The following CHD1 variants were observed in gnomAD, a reference collection of about 807,000 sequenced individuals.
CHD1 encodes the protein ATP-dependent chromatin remodeler CHD1.
In CHD1, 36 loss-of-function variants were observed where a neutral mutation model predicts 224.2. The observed-to-expected ratio is 0.16, with a 90% CI of 0.12 to 0.21. The LOEUF (loss-of-function observed/expected upper bound fraction) is 0.21, where lower values mean the gene tolerates loss of function less well. Among genes scored for constraint, CHD1 ranks in the 10% least tolerant of loss-of-function variants. The pLI, the probability that CHD1 is intolerant of heterozygous loss-of-function variation, is 1.00. For missense variants in CHD1, 1,378 were observed against 1,994.8 expected (o/e 0.69, Z 5.89); for synonymous variants, 668 against 658.3 (o/e 1.01, Z -0.23).
In CHD1 at chr5:98,898,457, CTTAT is replaced by C. The variant is rs760566984; in HGVS notation, c.1187-27_1187-24del. The C allele has an allele frequency of 5.2e-4, 779 of 1,503,376 alleles. 3 individuals carry two copies. Among genetic ancestry groups the C allele is most frequent in the South Asian group, 2.9e-3 (213 of 72,442 alleles). The allele number at this position is 1,503,376 out of a possible 1,614,324, so 93.1% of individuals were successfully genotyped here. On this transcript the variant is annotated intron_variant, in intron 9 of 35. Transcript: ENST00000614616. ...GAGCTGTGAGAGAATCAGGCATTTA[CTTAT>C]TTATTTATTTTTTTTTACATTTAAT...
In CHD1 at chr5:98,882,426, G is replaced by A. The variant is rs1034806946; in HGVS notation, c.2719-303C>T. On this transcript the variant is annotated intron_variant, in intron 19 of 35. Coordinates refer to ENST00000614616, the MANE Select transcript of CHD1 (RefSeq NM_001270.4). ...GATTTAGCTGGGGAAAATGGGGGGG[G>A]GGCATGTAAACTTCTGATAGCCTTC... Among the ~76,000 whole-genome samples, 4 of 141,530 alleles carry A rather than the reference G, an allele frequency of 2.8e-5. No individual in the cohort carries two copies. In the Admixed American group the frequency reaches 2.9e-4, roughly 10 times the overall value. The allele number at this position is 141,530 out of a possible 152,430, so 92.8% of individuals were successfully genotyped here.
chr5:98,914,994 G>C (rs981164817), intron 2 of CHD1, among the ~76,000 whole-genome samples: 1 of 152,188 alleles, frequency 6.6e-6, no homozygotes, highest in Admixed American at 6.5e-5. Context: ...CTGGAAAGTA[G>C]TAGGTAATGA....
chr5:98,856,293 T>G lies in CHD1; in HGVS notation c.*87A>C. The G allele has an allele frequency of 1.1e-6, 1 of 917,164 alleles. No homozygotes were observed. The highest frequency in any genetic ancestry group is 1.7e-6 in the Non-Finnish European group (1 of 585,602). The allele number at this position is 917,164 out of a possible 1,614,324, so 56.8% of individuals were successfully genotyped here. A position where few individuals can be genotyped will look rare whatever the true frequency, so the allele number is the denominator to read the frequency against. On this transcript the variant is annotated 3_prime_UTR_variant, in exon 36 of 36. Coordinates refer to ENST00000614616, the MANE Select transcript of CHD1 (RefSeq NM_001270.4). ...GCTACTGATAGAAGATCTGTTTATA[T>G]CTTTCAAGTCATGTAAGGCAATTAC...
chr5:98,883,101 C>T lies in CHD1; in HGVS notation c.2705G>A (p.Gly902Glu). The T allele has an allele frequency of 6.7e-7, 1 of 1,496,488 alleles. No homozygotes were observed. The highest frequency in any genetic ancestry group is 8.9e-7 in the Non-Finnish European group (1 of 1,126,008). The allele number at this position is 1,496,488 out of a possible 1,614,324, so 92.7% of individuals were successfully genotyped here. ...LQAQARAHRI[G>E]QKKQVNIYRL... ...AATTAAAAATACCTGTTTCTTTTGC[C>T]CAATTCGATGGGCTCTAGCCTGTGC... is the stretch of plus-strand genomic sequence containing the variant. The change falls in exon 19 of 36, where the codon GGG (glycine) becomes GAG (glutamate). Residue 902 changes from glycine to glutamate, a missense_variant. By Grantham distance (98) the Gly-to-Glu change is moderately conservative. Around this residue, in one of 16 missense-constraint regions of CHD1, gnomAD observed 57 missense variants for 177.2 expected, o/e 0.32. Coordinates refer to ENST00000614616, the MANE Select transcript of CHD1 (RefSeq NM_001270.4).
intron 2 of CHD1, among the ~76,000 whole-genome samples, chr5:98,921,463 G>A (rs957662541): frequency 2.6e-5 from 4 of 152,112 alleles, no homozygotes; most frequent in Admixed American, 2.0e-4. Context: ...GATTCAGTAC[G>A]TCTGGGGCGA....
chr5:98,902,856 G>A, intron 5 of CHD1, 44 bp downstream of exon 5: 2 of 1,207,206 alleles, frequency 1.7e-6, no homozygotes, highest in African/African-American at 1.5e-5. Flanking sequence ...GAAATAATCA[G>A]GATTTTTCTA....
At chr5:98,921,421 A>T (rs140358250) in intron 2 of CHD1, among the ~76,000 whole-genome samples, 2 of 152,190 alleles carry the variant, frequency 1.3e-5, no homozygotes, top group African/African-American at 2.4e-5. Flanking sequence ...ATACATAAGA[A>T]TCACTTAGAA....
At chr5:98,867,103 T>C (rs1221931250) in intron 31 of CHD1, among the ~76,000 whole-genome samples, 1 of 152,194 alleles carries the variant, frequency 6.6e-6, no homozygotes, top group Admixed American at 6.5e-5. Flanking sequence ...ATACATACTG[T>C]TATATTATGT....
chr5:98,854,405 T>C lies in CHD1; in HGVS notation c.*1975A>G, dbSNP rs1477955514. On this transcript the variant is annotated 3_prime_UTR_variant, in exon 36 of 36. Transcript: ENST00000614616. ...ATAAATTAAAAAATGCCAGCCACCA[T>C]CTTATGACTTAAGCATTATGAATTA... is the stretch of plus-strand genomic sequence containing the variant. The C allele has an allele frequency of 2.6e-5, 4 of 152,098 alleles. No individual in the cohort carries two copies. The highest frequency in any genetic ancestry group is 1.3e-4 in the Admixed American group (2 of 15,264). The allele number at this position is 152,098 out of a possible 1,614,324, so 9.4% of individuals were successfully genotyped here. A position where few individuals can be genotyped will look rare whatever the true frequency, so the allele number is the denominator to read the frequency against.
chr5:98,863,153 G>A (rs1307752721), intron 32 of CHD1, among the ~76,000 whole-genome samples: 4 of 151,974 alleles, frequency 2.6e-5, no homozygotes, highest in Admixed American at 2.6e-4. Context: ...AATGCAATCT[G>A]AATTTTAATG....
At chr5:98,867,425 T>C (rs1748960122) in intron 31 of CHD1, among the ~76,000 whole-genome samples, 1 of 152,222 alleles carries the variant, frequency 6.6e-6, no homozygotes, top group Non-Finnish European at 1.5e-5. Flanking sequence ...TCATATTTTG[T>C]ACATAATTTT....
chr5:98,867,852 G>A (rs918469426), intron 31 of CHD1, among the ~76,000 whole-genome samples: 1 of 147,502 alleles, frequency 6.8e-6, no homozygotes, highest in Non-Finnish European at 1.5e-5. Flanking sequence ...GCCCGGGCTG[G>A]AGTGCAATGG....
intron 28 of CHD1, among the ~76,000 whole-genome samples, chr5:98,871,577 G>A (rs182869369): frequency 7.8e-4 from 118 of 152,004 alleles, no homozygotes; most frequent in Non-Finnish European, 4.4e-4. Context: ...TGATAGGTGA[G>A]TAGGGTGACT....
intron 2 of CHD1, among the ~76,000 whole-genome samples, chr5:98,911,944 TACTCTTA>T (rs1225142441): frequency 1.3e-5 from 2 of 152,214 alleles, no homozygotes; most frequent in African/African-American, 4.8e-5. Flanking sequence ...AGAATTTAAG[TACTCTTA>T]AATCAGTGTA....
At chr5:98,870,919 TTAA>T in intron 28 of CHD1, 116 bp from the exon 29 acceptor site, 1 of 509,092 alleles carries the variant, frequency 2.0e-6, no homozygotes. Context: ...GTTTCAATTA[TTAA>T]TATTTGTAGG....
In CHD1 at chr5:98,855,204, T is replaced by C. The variant is rs1293070097; in HGVS notation, c.*1176A>G. 6.6e-6 allele frequency: 1 copy of C among 152,648 alleles called. No homozygotes were observed. The highest frequency in any genetic ancestry group is 1.5e-5 in the Non-Finnish European group (1 of 68,094). The allele number at this position is 152,648 out of a possible 1,614,324, so 9.5% of individuals were successfully genotyped here. ...GCAGAAAATTACAGGAGCCCACATA[T>C]CCTTTTTCTTAAATTTAATTTGTCA... On this transcript the variant is annotated 3_prime_UTR_variant, in exon 36 of 36. Coordinates refer to ENST00000614616, the MANE Select transcript of CHD1 (RefSeq NM_001270.4).
At position 98,914,664 on chromosome 5, in the gene CHD1, T is replaced by C. The variant is rs577541420; in HGVS notation, c.54-9566A>G. Reference sequence around the variant, plus strand: ...AATTCAGCAACGGTATCTTTCTCCATACTTTTCCCTCTGTCTGGAGAATGC... The same window carrying C: ...AATTCAGCAACGGTATCTTTCTCCACACTTTTCCCTCTGTCTGGAGAATGC... On this transcript the variant is annotated intron_variant, in intron 2 of 35. Transcript: ENST00000614616. Among the ~76,000 whole-genome samples the C allele has an allele frequency of 4.6e-5, 7 of 152,324 alleles. No homozygotes were observed. The South Asian group carries it at 1.4e-3, about 32-fold the overall frequency.
intron 14 of CHD1, 67 bp downstream of exon 14, chr5:98,893,349 T>C: frequency 9.5e-7 from 1 of 1,055,184 alleles, no homozygotes; most frequent in Non-Finnish European, 1.3e-6. Flanking sequence ...CTGACCTTAT[T>C]ACCTGGGTTT....
At chr5:98,870,926 T>G in intron 28 of CHD1, 123 bp from the exon 29 acceptor site, 1 of 496,114 alleles carries the variant, frequency 2.0e-6, no homozygotes, top group Non-Finnish European at 3.5e-6. Context: ...TTATTAATAT[T>G]TGTAGGAATA....
Sources: gnomAD v4.1 joint callset for allele counts (sites outside exome capture counted in the v4.1 genomes callset) on GRCh38, gnomAD v4.1.1 for gene constraint, gnomAD v4.1.1 regional missense constraint, MANE v1.5 for transcripts, NCBI Gene and HGNC (gene_info 2026-07-23, HGNC 2026-07-21) for gene names.